The following COL22A1 variants were observed in gnomAD, a reference collection of about 807,000 sequenced individuals.
COL22A1 encodes collagen alpha-1(XXII) chain.
In COL22A1, 221 loss-of-function variants were observed where a neutral mutation model predicts 248.9. That is an observed-to-expected ratio of 0.89 (90% CI 0.80 to 0.99). The LOEUF is 0.99. COL22A1 is among the 50% of genes least tolerant of loss of function. The pLI is 0.00. For missense variants in COL22A1, 2,240 were observed against 2,179.0 expected, an observed-to-expected ratio of 1.03 and a Z score of -0.56; for synonymous variants, 891 against 793.4, an observed-to-expected ratio of 1.12 and a Z score of -2.07.
Position 138,795,528 on chromosome 8 carries a change from G to GACACACACACACACACACACAC in COL22A1, c.1596+1269_1596+1290dup, listed in dbSNP as rs6150850. On this transcript the variant is annotated intron_variant, in intron 12 of 64. Transcript: ENST00000303045. Reference sequence around the variant, plus strand: ...CTCTGTCTCTCCTCTCTCTCTTTCAGACACACACACACACACACACACACA... The same window carrying GACACACACACACACACACACAC: ...CTCTGTCTCTCCTCTCTCTCTTTCAGACACACACACACACACACACACACACACACACACACACACACACACA... Among the ~76,000 whole-genome samples, 711 of 144,856 alleles carry GACACACACACACACACACACAC rather than the reference G, an allele frequency of 4.9e-3. 6 individuals are homozygous for GACACACACACACACACACACAC. Among genetic ancestry groups the GACACACACACACACACACACAC allele is most frequent in the African/African-American group, 0.017 (653 of 38,914 alleles).
chr8:138,788,601 T>A (rs1445036075), intron 12 of COL22A1, among the ~76,000 whole-genome samples: 1 of 152,132 alleles, frequency 6.6e-6, no homozygotes, highest in Non-Finnish European at 1.5e-5. Flanking sequence ...CTAATAACAC[T>A]CTCTAGGCTT....
At chr8:138,654,736 C>T (rs1429065696) in intron 45 of COL22A1, among the ~76,000 whole-genome samples, 3 of 152,200 alleles carry the variant, frequency 2.0e-5, no homozygotes, top group African/African-American at 7.2e-5. Context: ...GACCCCAGGT[C>T]CTTGGTCAGG....
chr8:138,793,751 G>A (rs992637842), intron 12 of COL22A1, among the ~76,000 whole-genome samples: 3 of 152,202 alleles, frequency 2.0e-5, no homozygotes, highest in Admixed American at 6.5e-5. Flanking sequence ...CAGGTGTGAG[G>A]AGAACAGGCA....
At chr8:138,888,160 GAGGATAGGT>G (rs1342419334) in intron 1 of COL22A1, among the ~76,000 whole-genome samples, 1 of 152,178 alleles carries the variant, frequency 6.6e-6, no homozygotes, top group Non-Finnish European at 1.5e-5. Context: ...GCCAGGTGCT[GAGGATAGGT>G]AGATAAATGA....
chr8:138,652,128 C>T (rs997052131), intron 45 of COL22A1, among the ~76,000 whole-genome samples: 6 of 152,334 alleles, frequency 3.9e-5, no homozygotes, highest in South Asian at 2.1e-4. Context: ...GGGAGCCCCC[C>T]GAGTCCCTCC....
intron 45 of COL22A1, among the ~76,000 whole-genome samples, chr8:138,654,962 C>G (rs1823097409): frequency 6.6e-6 from 1 of 152,202 alleles, no homozygotes; most frequent in Non-Finnish European, 1.5e-5. Context: ...CGCTCTGGTC[C>G]TGGCCCAGCA....
At chr8:138,633,472 C>T (rs902539242) in intron 49 of COL22A1, among the ~76,000 whole-genome samples, 2 of 152,178 alleles carry the variant, frequency 1.3e-5, no homozygotes, top group Admixed American at 1.3e-4. Flanking sequence ...TCATTGGGAA[C>T]ATGTTATGGG....
chr8:138,622,992 A>T (rs1391814541), intron 52 of COL22A1, among the ~76,000 whole-genome samples: 3 of 151,928 alleles, frequency 2.0e-5, no homozygotes, highest in Non-Finnish European at 4.4e-5. Flanking sequence ...AATCATCATG[A>T]TGAATCTCTG....
At chr8:138,886,075 A>G (rs538402836) in intron 1 of COL22A1, among the ~76,000 whole-genome samples, 2 of 152,266 alleles carry the variant, frequency 1.3e-5, no homozygotes, top group Non-Finnish European at 1.5e-5. Context: ...TGGGGCTGAT[A>G]TCTGGATGCT....
At chr8:138,775,187 T>G (rs1010843158) in intron 16 of COL22A1, among the ~76,000 whole-genome samples, 1 of 152,160 alleles carries the variant, frequency 6.6e-6, no homozygotes, top group Admixed American at 6.5e-5. Context: ...TTGGGACACA[T>G]TGCTCCAGAT....
At chr8:138,647,786 C>A (rs1239974572) in intron 46 of COL22A1, among the ~76,000 whole-genome samples, 1 of 152,130 alleles carries the variant, frequency 6.6e-6, no homozygotes, top group Non-Finnish European at 1.5e-5. Flanking sequence ...GTAGTAAACA[C>A]ACAGAATACA....
chr8:138,604,730 T>C lies in COL22A1; in HGVS notation c.4140+4A>G, dbSNP rs1818293646. On this transcript the variant is annotated splice_donor_region_variant and intron_variant, in intron 59 of 64. Coordinates refer to ENST00000303045, the MANE Select transcript of COL22A1 (RefSeq NM_152888.3). ...CAAGGGGTGAGTGGGCGTGTGATAC[T>C]TGCCTCCTTGCCTGGGACTCCTTTC... 6.2e-7 allele frequency: 1 copy of C among 1,612,742 alleles called. No homozygotes were observed. The highest frequency in any genetic ancestry group is 8.5e-7 in the Non-Finnish European group (1 of 1,179,434).
At chr8:138,721,584 G>A (rs988327210) in intron 26 of COL22A1, among the ~76,000 whole-genome samples, 37 of 151,524 alleles carry the variant, frequency 2.4e-4, no homozygotes, top group African/African-American at 8.0e-4. Flanking sequence ...ATAAATAAAC[G>A]TATTTCTAAC....
At chr8:138,871,750 A>G (rs1201720009) in intron 3 of COL22A1, among the ~76,000 whole-genome samples, 1 of 152,248 alleles carries the variant, frequency 6.6e-6, no homozygotes, top group Non-Finnish European at 1.5e-5. Flanking sequence ...GTTGTGAGAT[A>G]TTACCTGTAA....
chr8:138,905,077 T>C (rs1814910558), intron 1 of COL22A1, among the ~76,000 whole-genome samples: 3 of 152,206 alleles, frequency 2.0e-5, no homozygotes, highest in Admixed American at 2.0e-4. Context: ...TATCAACAGA[T>C]AGATGGATGG....
chr8:138,838,790 T>G (rs1024344033), intron 4 of COL22A1, among the ~76,000 whole-genome samples: 5 of 152,050 alleles, frequency 3.3e-5, no homozygotes, highest in African/African-American at 1.2e-4. Context: ...AAGCAATTGT[T>G]TTATGCAAAA....
chr8:138,703,159 G>A, intron 31 of COL22A1, 147 bp downstream of exon 31: 2 of 668,524 alleles, frequency 3.0e-6, no homozygotes, highest in Non-Finnish European at 5.4e-6. Flanking sequence ...TATATTTTTG[G>A]TTTGTAGGAC....
intron 1 of COL22A1, among the ~76,000 whole-genome samples, chr8:138,885,746 A>G (rs925460223): frequency 6.6e-6 from 1 of 152,064 alleles, no homozygotes; most frequent in Middle Eastern, 3.4e-3. Context: ...GTTTTTTAAT[A>G]GAGATGAGGT....
At chr8:138,747,429 T>G (rs1832211287) in intron 22 of COL22A1, among the ~76,000 whole-genome samples, 1 of 152,220 alleles carries the variant, frequency 6.6e-6, no homozygotes, top group Non-Finnish European at 1.5e-5. Flanking sequence ...GTCCTTATAA[T>G]GACCCACAAG....
Sources: gnomAD v4.1 joint callset for allele counts (sites outside exome capture counted in the v4.1 genomes callset) on GRCh38, gnomAD v4.1.1 for gene constraint, MANE v1.5 for transcripts, NCBI Gene and HGNC (gene_info 2026-07-23, HGNC 2026-07-21) for gene names.